KAT6A: variants seen among roughly 807,000 people sequenced by gnomAD.
KAT6A encodes histone acetyltransferase KAT6A.
KAT6A carries 9 observed loss-of-function variants against 198.4 expected under a neutral mutation model. That is an observed-to-expected ratio of 0.05 (90% CI 0.03 to 0.08). The LOEUF is 0.08. Among genes scored for constraint, KAT6A ranks in the 10% least tolerant of loss-of-function variants. The pLI is 1.00. For missense variants in KAT6A, 2,077 were observed against 2,509.9 expected, an observed-to-expected ratio of 0.83 and a Z score of 3.69; for synonymous variants, 890 against 883.0, an observed-to-expected ratio of 1.01 and a Z score of -0.14.
Position 41,932,218 on chromosome 8 carries a change from T to A in KAT6A, c.6002A>T (p.Tyr2001Phe). The stretch of plus-strand genomic sequence containing the variant: ...AGTTCATCTTGCTCATCTTCTCATG[T>A]AAGGTCCGTTGAGTGACTGCTTGGG... The part of the protein sequence containing the change: ...GVPKQSLNGP[Y>F]MRR Residue 2001 changes from tyrosine (Y) to phenylalanine (F), a missense_variant, in exon 17 of 17, where the codon TAC becomes TTC. Transcript: ENST00000265713. The A allele has an allele frequency of 6.3e-7, 1 of 1,585,546 alleles. No individual in the cohort carries two copies. The highest frequency in any genetic ancestry group is 8.6e-7 in the Non-Finnish European group (1 of 1,165,800).
Position 41,988,726 on chromosome 8 carries a change from G to C in KAT6A, c.601-1163C>G, listed in dbSNP as rs1824754571. Among the ~76,000 whole-genome samples the C allele has an allele frequency of 1.3e-5, 2 of 152,304 alleles. 1 individual carries two copies. Among genetic ancestry groups the C allele is most frequent in the South Asian group, 4.1e-4 (2 of 4,830 alleles). ...ATATGACTAAGTGAACTGAAAAGAT[G>C]GTGACGCTATCAACTGTGCACAGCA... On this transcript the variant is annotated intron_variant, in intron 2 of 16. Coordinates refer to ENST00000265713, the MANE Select transcript of KAT6A (RefSeq NM_006766.5).
At chr8:42,033,572 C>T (rs1827233421) in intron 2 of KAT6A, among the ~76,000 whole-genome samples, 2 of 152,148 alleles carry the variant, frequency 1.3e-5, no homozygotes, top group Admixed American at 6.6e-5. Context: ...CTCTCTTTCC[C>T]ACCGCACCCA....
chr8:41,995,763 A>T (rs1825173571), intron 2 of KAT6A, among the ~76,000 whole-genome samples: 1 of 143,350 alleles, frequency 7.0e-6, no homozygotes, highest in Non-Finnish European at 1.5e-5. Context: ...TGCAACCTCC[A>T]TCTCCTGGTT....
chr8:42,051,102 T>C (rs1054246946), intron 1 of KAT6A, among the ~76,000 whole-genome samples: 1 of 151,892 alleles, frequency 6.6e-6, no homozygotes, highest in Non-Finnish European at 1.5e-5. Flanking sequence ...AAGTTAACAA[T>C]GAAATCACGT....
At chr8:42,038,265 C>A (rs571273379) in intron 2 of KAT6A, among the ~76,000 whole-genome samples, 28 of 152,284 alleles carry the variant, frequency 1.8e-4, no homozygotes, top group African/African-American at 6.3e-4. Context: ...ACATGTTCCC[C>A]TTCTAATATT....
intron 2 of KAT6A, among the ~76,000 whole-genome samples, chr8:42,036,630 G>T (rs1274489345): frequency 1.3e-5 from 2 of 152,064 alleles, no homozygotes; most frequent in East Asian, 3.9e-4. Context: ...AAAGGAGAAG[G>T]TGGTAAATGG....
At chr8:42,033,432 G>A (rs1050193750) in intron 2 of KAT6A, among the ~76,000 whole-genome samples, 8 of 152,160 alleles carry the variant, frequency 5.3e-5, no homozygotes, top group Non-Finnish European at 1.0e-4. Context: ...TGGGAAGGGT[G>A]ATGTCTTCGA....
intron 2 of KAT6A, among the ~76,000 whole-genome samples, chr8:41,990,954 C>T (rs1226130297): frequency 1.5e-5 from 2 of 134,208 alleles, no homozygotes; most frequent in East Asian, 2.2e-4. Flanking sequence ...AAGATTGTGC[C>T]ATTGCACTCC....
rs1038769100 is a variant in KAT6A at position 42,018,660 on chromosome 8, T to C, written c.600+29718A>G. On this transcript the variant is annotated intron_variant, in intron 2 of 16. Coordinates refer to ENST00000265713, the MANE Select transcript of KAT6A (RefSeq NM_006766.5). ...AGAACAGGCTGGGCGAGGTGGCTCA[T>C]GCCTGTAATCCCAACACTTTGAGAG... Among the ~76,000 whole-genome samples, 10 of 152,254 alleles carry C rather than the reference T, an allele frequency of 6.6e-5. 1 individual carries two copies. Among genetic ancestry groups the C allele is most frequent in the African/African-American group, 2.4e-4 (10 of 41,538 alleles).
intron 2 of KAT6A, among the ~76,000 whole-genome samples, chr8:42,021,855 G>A (rs1826552285): frequency 6.6e-6 from 1 of 152,206 alleles, no homozygotes; most frequent in African/African-American, 2.4e-5. Flanking sequence ...TTGAACCTGG[G>A]AGGCAGAGGC....
chr8:42,022,720 A>G (rs1185453593), intron 2 of KAT6A, among the ~76,000 whole-genome samples: 1 of 152,220 alleles, frequency 6.6e-6, no homozygotes, highest in Non-Finnish European at 1.5e-5. Flanking sequence ...CTAGGGACTT[A>G]TAAGTGAAAT....
intron 11 of KAT6A, among the ~76,000 whole-genome samples, chr8:41,947,307 C>T (rs1206725494): frequency 6.6e-6 from 1 of 152,146 alleles, no homozygotes; most frequent in Non-Finnish European, 1.5e-5. Flanking sequence ...TTTATGTTCT[C>T]TGACTAGAAA....
intron 2 of KAT6A, among the ~76,000 whole-genome samples, chr8:42,011,841 T>C (rs1014781091): frequency 1.4e-5 from 2 of 147,134 alleles, no homozygotes; most frequent in African/African-American, 2.5e-5. Flanking sequence ...CCCAATTCCC[T>C]GGAGCCCAAA....
rs572996026 is a variant in KAT6A at position 41,933,188 on chromosome 8, G to C, written c.5032C>G (p.Gln1678Glu). The C allele has an allele frequency of 6.3e-7, 1 of 1,588,258 alleles. No homozygotes were observed. The highest frequency in any genetic ancestry group is 8.5e-7 in the Non-Finnish European group (1 of 1,170,090). The change falls in exon 17 of 17, where the codon CAG becomes GAG. Residue 1678 changes from glutamine (Q) to glutamate (E), a missense_variant. Transcript: ENST00000265713. This position sits in a 1 kb window ranked among gnomAD's most constrained non-coding sequence, Gnocchi z 6.2. ...PAPQPPPPQQ[Q>E]PQQQPQPQPQ... ...TGAGGCTGCGGCTGCTGTTGCGGCT[G>C]CTGCTGGGGTGGTGGAGGCTGTGGT...
chr8:41,982,059 T>C (rs1564039778), intron 3 of KAT6A, 105 bp from the exon 4 acceptor site: 1 of 675,118 alleles, frequency 1.5e-6, no homozygotes, highest in Non-Finnish European at 2.7e-6. Context: ...AAATACAAAA[T>C]ATATATCAAA....
intron 2 of KAT6A, among the ~76,000 whole-genome samples, chr8:42,040,820 A>AC (rs1258989245): frequency 6.6e-6 from 1 of 151,806 alleles, no homozygotes; most frequent in African/African-American, 2.4e-5. Flanking sequence ...GTAATGGCTA[A>AC]CCCAAGCTTT....
At chr8:42,011,933 C>T (rs1433471960) in intron 2 of KAT6A, among the ~76,000 whole-genome samples, 1 of 148,862 alleles carries the variant, frequency 6.7e-6, no homozygotes, top group Non-Finnish European at 1.5e-5. Flanking sequence ...GGAAATCCAA[C>T]CCCCTGAAAA....
intron 2 of KAT6A, among the ~76,000 whole-genome samples, chr8:42,044,518 T>C (rs773156934): frequency 2.0e-5 from 3 of 152,152 alleles, no homozygotes; most frequent in Admixed American, 6.5e-5. Context: ...TCCAACACAG[T>C]TGATCTCCCA....
At chr8:42,023,780 C>T (rs150443704) in intron 2 of KAT6A, among the ~76,000 whole-genome samples, 16 of 151,810 alleles carry the variant, frequency 1.1e-4, no homozygotes, top group African/African-American at 3.4e-4. Flanking sequence ...AGCCACCACG[C>T]CCAGCCTACT....
Sources: allele counts gnomAD v4.1 joint callset (sites outside exome capture counted in the v4.1 genomes callset), GRCh38; gene constraint gnomAD v4.1.1; non-coding constraint Gnocchi (gnomAD v3.1); transcripts MANE v1.5; gene names NCBI Gene and HGNC (gene_info 2026-07-23, HGNC 2026-07-21).